BTNL8: variants seen among roughly 807,000 people sequenced by gnomAD.
BTNL8 encodes butyrophilin like 8, also known as butyrophilin-like protein 8.
In BTNL8, 22 loss-of-function variants were observed where a neutral mutation model predicts 36.1. The observed-to-expected ratio is 0.61, with a 90% confidence interval of 0.44 to 0.87. BTNL8 has a LOEUF of 0.87. Ranked by LOEUF, BTNL8 falls within the 40% of genes least tolerant of loss-of-function variation. The pLI, the probability that BTNL8 is intolerant of heterozygous loss-of-function variation, is 0.00. For synonymous variants in BTNL8, 203 were observed against 235.6 expected (o/e 0.86, Z 1.27); for missense variants, 526 against 616.9 (o/e 0.85, Z 1.56).
At chr5:180,918,369 A>G (rs181259341) in intron 3 of BTNL8, among the ~76,000 whole-genome samples, 27 of 152,340 alleles carry the variant, frequency 1.8e-4, no homozygotes, top group Admixed American at 1.7e-3. Context: ...ACGCAAATAA[A>G]TAAATATAAT....
intron 3 of BTNL8, among the ~76,000 whole-genome samples, chr5:180,915,686 C>G (rs1001927167): frequency 6.6e-6 from 1 of 152,160 alleles, no homozygotes; most frequent in Non-Finnish European, 1.5e-5. Flanking sequence ...TTAAAAGATT[C>G]ATTTACCATG....
At chr5:180,932,182 G>A (rs915235155) in intron 3 of BTNL8, among the ~76,000 whole-genome samples, 4 of 152,080 alleles carry the variant, frequency 2.6e-5, no homozygotes, top group African/African-American at 9.7e-5. Context: ...ACAGGGAGGG[G>A]AATATTACAC....
chr5:180,909,281 G>A (rs1278790454), intron 2 of BTNL8, among the ~76,000 whole-genome samples: 1 of 152,124 alleles, frequency 6.6e-6, no homozygotes, highest in African/African-American at 2.4e-5. Context: ...CACACCGCAG[G>A]TGACCTTTTG....
chr5:180,937,941 T>TA (rs1356702100), intron 3 of BTNL8, among the ~76,000 whole-genome samples: 5 of 6,242 alleles, frequency 8.0e-4, no homozygotes, highest in East Asian at 0.012. Context: ...CTTTCCCCAT[T>TA]TAAAAAAAAA....
At chr5:180,928,082 G>C (rs1758188392) in intron 3 of BTNL8, among the ~76,000 whole-genome samples, 1 of 152,202 alleles carries the variant, frequency 6.6e-6, no homozygotes, top group Non-Finnish European at 1.5e-5. Context: ...GGCAGCCAGA[G>C]AGAAAGGTTG....
intron 3 of BTNL8, among the ~76,000 whole-genome samples, chr5:180,927,616 C>A (rs1758165506): frequency 6.6e-6 from 1 of 151,994 alleles, no homozygotes; most frequent in Non-Finnish European, 1.5e-5. Context: ...ACTAGAATAA[C>A]CAGTTTAGAG....
intron 3 of BTNL8, among the ~76,000 whole-genome samples, chr5:180,932,345 TTAAGTA>T (rs1230053399): frequency 1.3e-5 from 2 of 152,140 alleles, no homozygotes; most frequent in African/African-American, 2.4e-5. Flanking sequence ...TCCCATAACT[TTAAGTA>T]TAATTATTTT....
At chr5:180,927,858 T>C (rs527542949) in intron 3 of BTNL8, among the ~76,000 whole-genome samples, 1 of 152,244 alleles carries the variant, frequency 6.6e-6, no homozygotes, top group African/African-American at 2.4e-5. Flanking sequence ...CTACGTTTGA[T>C]TGCTATACAT....
intron 3 of BTNL8, among the ~76,000 whole-genome samples, chr5:180,916,083 T>C (rs2113794784): frequency 6.6e-6 from 1 of 152,290 alleles, no homozygotes; most frequent in Admixed American, 6.5e-5. Context: ...CTTCTAGTTG[T>C]GTAATTCCAT....
intron 3 of BTNL8, among the ~76,000 whole-genome samples, chr5:180,924,392 C>T (rs561304848): frequency 1.2e-4 from 18 of 152,272 alleles, no homozygotes; most frequent in African/African-American, 2.4e-4. Context: ...CTCACCCAGC[C>T]TCAGAGCTCA....
At chr5:180,923,921 TA>T in intron 3 of BTNL8, among the ~76,000 whole-genome samples, 1 of 152,294 alleles carries the variant, frequency 6.6e-6, no homozygotes, top group South Asian at 2.1e-4. Context: ...TTTAATAAAA[TA>T]TTTTTATACT....
In BTNL8 at chr5:180,911,609, T is replaced by C; in HGVS notation, c.668T>C (p.Ile223Thr). Residue 223 changes from isoleucine (I) to threonine (T), a missense_variant, in exon 3 of 8, where the codon ATA becomes ACA. Ile to Thr is a moderately conservative substitution (Grantham distance 89). Coordinates refer to ENST00000340184, the MANE Select transcript of BTNL8 (RefSeq NM_001040462.3). ...CGAGAGGTGGAATCCAGGGTACAGA[T>C]AGGAGGTGAGTAGGGAGGGGAGGAG... ...LSREVESRVQ[I>T]GDTFFEPISW... The C allele has an allele frequency of 2.5e-6, 4 of 1,606,452 alleles. No individual in the cohort carries two copies. Among genetic ancestry groups the C allele is most frequent in the African/African-American group, 2.7e-5 (2 of 74,706 alleles).
intron 1 of BTNL8, among the ~76,000 whole-genome samples, chr5:180,902,814 G>T (rs1026455203): frequency 7.0e-6 from 1 of 142,278 alleles, no homozygotes; most frequent in Non-Finnish European, 1.5e-5. Flanking sequence ...TGAGAATGAT[G>T]ATTTCTAATT....
At chr5:180,900,372 G>C (rs777567622) in intron 1 of BTNL8, among the ~76,000 whole-genome samples, 2 of 152,160 alleles carry the variant, frequency 1.3e-5, no homozygotes, top group African/African-American at 2.4e-5. Context: ...ATTCCTGCTG[G>C]GGCTGTGGTG....
At chr5:180,940,587 T>G (rs1758880793) in intron 3 of BTNL8, among the ~76,000 whole-genome samples, 2 of 151,576 alleles carry the variant, frequency 1.3e-5, no homozygotes, top group African/African-American at 4.9e-5. Flanking sequence ...AGACCAAAAT[T>G]ATAAGACAAA....
At chr5:180,921,693 A>ACACT (rs900393261) in intron 3 of BTNL8, among the ~76,000 whole-genome samples, 1 of 151,236 alleles carries the variant, frequency 6.6e-6, no homozygotes, top group African/African-American at 2.4e-5. Context: ...ACACACACAC[A>ACACT]CAGACACACA....
chr5:180,921,279 C>G (rs1053323744), intron 3 of BTNL8, among the ~76,000 whole-genome samples: 5 of 152,024 alleles, frequency 3.3e-5, no homozygotes, highest in Non-Finnish European at 7.4e-5. Flanking sequence ...TGAAAACAAT[C>G]TATTTGCTGA....
chr5:180,927,547 A>G (rs1232974112), intron 3 of BTNL8, among the ~76,000 whole-genome samples: 1 of 152,204 alleles, frequency 6.6e-6, no homozygotes, highest in African/African-American at 2.4e-5. Context: ...CTAAAGGAGC[A>G]TGTTCTAACC....
chr5:180,909,487 C>T (rs897900721), intron 2 of BTNL8: 16 of 961,692 alleles, frequency 1.7e-5, no homozygotes, highest in South Asian at 9.6e-5. Flanking sequence ...AGGGAGCAAA[C>T]GTCAGCTCCA....
Sources: gnomAD v4.1 joint callset for allele counts (sites outside exome capture counted in the v4.1 genomes callset) on GRCh38, gnomAD v4.1.1 for gene constraint, MANE v1.5 for transcripts, NCBI Gene and HGNC (gene_info 2026-07-23, HGNC 2026-07-21) for gene names.